The following NUP35 variants were observed in gnomAD, a reference collection of about 807,000 sequenced individuals.
NUP35 encodes the protein nucleoporin NUP35.
A neutral mutation model predicts 41.5 loss-of-function variants in NUP35; 25 were observed. The observed-to-expected ratio is 0.60, with a 90% CI of 0.44 to 0.84. The LOEUF (loss-of-function observed/expected upper bound fraction) is 0.84. Ranked by LOEUF, NUP35 falls within the 40% of genes least tolerant of loss-of-function variation. The pLI is 0.00. For missense variants in NUP35, 396 were observed against 396.6 expected (o/e 1.00, Z 0.01); for synonymous variants, 149 against 130.7 (o/e 1.14, Z -0.96).
At position 183,158,287 on chromosome 2, in the gene NUP35, C is replaced by A; in HGVS notation, c.614C>A (p.Ser205Tyr). Residue 205 changes from serine (S) to tyrosine (Y), a missense_variant, in exon 7 of 9, where the codon TCT (serine) becomes TAT (tyrosine). Coordinates refer to ENST00000295119, the MANE Select transcript of NUP35 (RefSeq NM_138285.5). ...AGACAGTTTTATTCTTTGCAGATGT[C>A]TAATACAGGAAATTGGATGCATATT... The part of the protein sequence containing the change: ...QYGNILKHVM[S>Y]NTGNWMHIRY... 6.3e-7 allele frequency: 1 copy of A among 1,580,976 alleles called. No homozygotes were observed. Among genetic ancestry groups the A allele is most frequent in the Non-Finnish European group, 8.6e-7 (1 of 1,161,040 alleles).
chr2:183,128,261 CTTAAT>C (rs781204339), intron 1 of NUP35, 21 bp from the exon 2 acceptor site: 29 of 1,517,036 alleles, frequency 1.9e-5, no homozygotes, highest in Admixed American at 1.9e-5. Context: ...CAGAAAAGTC[CTTAAT>C]TTATTTTTTG....
intron 3 of NUP35, chr2:183,130,945 C>T (rs910851280): frequency 1.5e-5 from 18 of 1,162,196 alleles, no homozygotes; most frequent in Middle Eastern, 2.6e-4. Context: ...CTAGGGCACT[C>T]GTCAGCTGAG....
chr2:183,140,770 C>T (rs1478395790), intron 4 of NUP35, among the ~76,000 whole-genome samples: 1 of 149,338 alleles, frequency 6.7e-6, no homozygotes, highest in Non-Finnish European at 1.5e-5. Context: ...TGGCAGTGAG[C>T]CGAGATCGCA....
chr2:183,124,370 G>T (rs183511910), upstream of NUP35: 27 of 1,612,104 alleles, frequency 1.7e-5, no homozygotes, highest in Admixed American at 3.3e-5. Context: ...ACCCCATAAG[G>T]TAGCACGCCG....
Position 183,130,387 on chromosome 2 carries a change from CTTTTTTTTT to C in NUP35, c.212-20_212-12del. The stretch of plus-strand genomic sequence containing the variant: ...AAAATCTTACCAAAAAGAAGAATCC[CTTTTTTTTT>C]TTTTTTTTTTGTACACTGTAGGTGG... On this transcript the variant is annotated intron_variant, in intron 2 of 8. Transcript: ENST00000295119. The C allele has an allele frequency of 2.4e-6, 3 of 1,271,270 alleles. No homozygotes were observed. Among genetic ancestry groups the C allele is most frequent in the South Asian group, 3.5e-5 (2 of 57,856 alleles). 78.7% of individuals were successfully genotyped at this position (1,271,270 alleles called of 1,614,324 possible). A position where few individuals can be genotyped will look rare whatever the true frequency, so the allele number is the denominator to read the frequency against.
chr2:183,139,453 T>C (rs1685005898), intron 4 of NUP35, among the ~76,000 whole-genome samples: 1 of 152,164 alleles, frequency 6.6e-6, no homozygotes, highest in Non-Finnish European at 1.5e-5. Context: ...CCATACAATA[T>C]GTCCACATCC....
intron 4 of NUP35, among the ~76,000 whole-genome samples, chr2:183,148,445 CTCTGCATCCTCG>C (rs1685354285): frequency 6.6e-6 from 1 of 152,122 alleles, no homozygotes; most frequent in Non-Finnish European, 1.5e-5. Context: ...GTTCTCTTTT[CTCTGCATCCTCG>C]CCAGCATCTG....
At chr2:183,155,509 AAT>A (rs1685625321) in intron 5 of NUP35, among the ~76,000 whole-genome samples, 2 of 151,644 alleles carry the variant, frequency 1.3e-5, no homozygotes, top group South Asian at 4.2e-4. Context: ...TATCCATAGC[AAT>A]TGGGCTGGTG....
At chr2:183,123,770 C>A, upstream of NUP35, 1 of 985,072 alleles carries the variant, frequency 1.0e-6, no homozygotes, top group Non-Finnish European at 1.2e-6. Context: ...GGGACGTGGA[C>A]GGCAGGGATG....
chr2:183,138,261 ATATATATATT>A (rs1465474639), intron 4 of NUP35, among the ~76,000 whole-genome samples: 3,752 of 52,010 alleles, frequency 0.072, 203 homozygotes, highest in African/African-American at 0.22. Flanking sequence ...ATATATATAT[ATATATATATT>A]TTTTTTTTTT....
intron 3 of NUP35, chr2:183,131,086 C>A: frequency 2.4e-6 from 1 of 414,228 alleles, no homozygotes. Context: ...TTCAACCAAT[C>A]CTCCTGCCTC....
At chr2:183,160,577 C>A (rs1685836860) in intron 8 of NUP35, 1 of 151,740 alleles carries the variant, frequency 6.6e-6, no homozygotes, top group South Asian at 2.1e-4. Flanking sequence ...AGAGATGGGA[C>A]CATGTTGGCC....
chr2:183,147,156 G>A (rs567802434), intron 4 of NUP35, among the ~76,000 whole-genome samples: 10 of 151,980 alleles, frequency 6.6e-5, no homozygotes, highest in Non-Finnish European at 1.0e-4. Context: ...GTAGGTTGTC[G>A]ATTTATTCTT....
intron 2 of NUP35, 46 bp downstream of exon 2, chr2:183,128,503 G>T: frequency 5.4e-6 from 8 of 1,471,602 alleles, no homozygotes; most frequent in Non-Finnish European, 7.3e-6. Context: ...CTAGATACAG[G>T]GATGTCCAAT....
intron 5 of NUP35, 109 bp downstream of exon 5, chr2:183,151,758 T>C: frequency 1.1e-6 from 1 of 949,512 alleles, no homozygotes; most frequent in Non-Finnish European, 1.6e-6. Context: ...AACACCCATA[T>C]TACTACCACC....
chr2:183,124,206 G>T (rs1377637540), upstream of NUP35: 4 of 761,152 alleles, frequency 5.3e-6, no homozygotes, highest in Admixed American at 1.1e-4. Context: ...AAGCATTCCC[G>T]GATGAAAAGC....
intron 8 of NUP35, 190 bp from the exon 9 acceptor site, chr2:183,160,864 C>T (rs1226288062): frequency 2.0e-5 from 8 of 404,008 alleles, no homozygotes; most frequent in Admixed American, 1.1e-4. Flanking sequence ...GGGCGGATCA[C>T]GAGGTCAGGA....
intron 4 of NUP35, among the ~76,000 whole-genome samples, chr2:183,148,044 G>A (rs1685341450): frequency 6.6e-6 from 1 of 152,062 alleles, no homozygotes; most frequent in Non-Finnish European, 1.5e-5. Context: ...ACTCGCTTAT[G>A]AGTGAGCATA....
chr2:183,138,611 A>T (rs116571003), intron 4 of NUP35, among the ~76,000 whole-genome samples: 194 of 152,204 alleles, frequency 1.3e-3, no homozygotes, highest in African/African-American at 4.4e-3. Context: ...AGAACATTGA[A>T]TGTGTTTTTT....
Sources: allele counts gnomAD v4.1 joint callset (sites outside exome capture counted in the v4.1 genomes callset), GRCh38; gene constraint gnomAD v4.1.1; transcripts MANE v1.5; gene names NCBI Gene and HGNC (gene_info 2026-07-23, HGNC 2026-07-21).